Variants in FMN1 observed in about 807,000 individuals in gnomAD.
FMN1 encodes formin 1.
FMN1 carries 110 observed loss-of-function variants against 132.4 expected under a neutral mutation model. That is an observed-to-expected ratio of 0.83 (90% CI 0.71 to 0.97). The LOEUF (loss-of-function observed/expected upper bound fraction) is 0.97, where lower values mean the gene tolerates loss of function less well. FMN1 is among the 50% of genes least tolerant of loss of function. FMN1 has a pLI of 0.00. For missense variants in FMN1, 1,792 were observed against 1,705.3 expected (o/e 1.05, Z -0.90); for synonymous variants, 722 against 651.7 (o/e 1.11, Z -1.64).
chr15:32,998,824 C>A (rs150046591), intron 7 of FMN1, among the ~76,000 whole-genome samples: 1 of 152,276 alleles, frequency 6.6e-6, no homozygotes, highest in East Asian at 1.9e-4. Context: ...CATCATTGGC[C>A]CCCATGATAC....
chr15:33,059,765 A>C lies in FMN1; in HGVS notation c.2161+5192T>G, dbSNP rs572175969. ...AGTAAGTTAAACTAAATGACCTAAG[A>C]TGTTTGCAGCTCTCAGTTTTTATAT... On this transcript the variant is annotated intron_variant, in intron 6 of 20. Transcript: ENST00000616417. 2.6e-5 allele frequency among the ~76,000 whole-genome samples: 4 copies of C among 152,300 alleles called. No homozygotes were observed. In the East Asian group the frequency reaches 7.7e-4, roughly 29 times the overall value.
intron 4 of FMN1, among the ~76,000 whole-genome samples, chr15:33,099,434 C>T (rs970227116): frequency 8.5e-5 from 13 of 152,172 alleles, no homozygotes; most frequent in Non-Finnish European, 1.5e-4. Flanking sequence ...AGGGTGATTG[C>T]TACATGATGC....
chr15:33,070,364 T>G (rs1595402302), intron 5 of FMN1, among the ~76,000 whole-genome samples: 1 of 147,008 alleles, frequency 6.8e-6, no homozygotes, highest in East Asian at 2.0e-4. Context: ...CAGGGGGCAG[T>G]GGGAGAGGGC....
At chr15:33,104,341 T>G (rs2140092029) in intron 4 of FMN1, among the ~76,000 whole-genome samples, 1 of 152,308 alleles carries the variant, frequency 6.6e-6, no homozygotes, top group Admixed American at 6.5e-5. Context: ...TAAGTGGACT[T>G]TCTTGCCAAA....
chr15:32,887,979 TAAAAG>T lies in FMN1; in HGVS notation c.3835+188_3835+192del, dbSNP rs566504307. Among the ~76,000 whole-genome samples the T allele has an allele frequency of 5.3e-5, 8 of 151,520 alleles. No homozygotes were observed. The East Asian group carries it at 1.5e-3, about 29-fold the overall frequency. On this transcript the variant is annotated intron_variant, in intron 16 of 20. Transcript: ENST00000616417. ...ATAAGAAACAAATGATCAACACTAA[TAAAAG>T]AGAAGAATTTGAAAATACAGTGCCT...
chr15:33,044,959 G>C (rs545440501), intron 6 of FMN1, among the ~76,000 whole-genome samples: 1 of 152,332 alleles, frequency 6.6e-6, no homozygotes, highest in African/African-American at 2.4e-5. Flanking sequence ...ACACAAACAG[G>C]GCTGAAACAT....
At chr15:32,987,869 G>A (rs2033169934) in intron 7 of FMN1, among the ~76,000 whole-genome samples, 1 of 152,092 alleles carries the variant, frequency 6.6e-6, no homozygotes, top group Admixed American at 6.6e-5. Flanking sequence ...TTCTGTCGTT[G>A]AGTATAATTT....
At chr15:33,127,138 G>A (rs900867732) in intron 4 of FMN1, among the ~76,000 whole-genome samples, 2 of 151,944 alleles carry the variant, frequency 1.3e-5, no homozygotes, top group Admixed American at 6.6e-5. Context: ...ACAAGCAGTA[G>A]CAGACTTCCC....
chr15:32,945,790 C>T (rs961735843), intron 9 of FMN1, among the ~76,000 whole-genome samples: 1 of 151,520 alleles, frequency 6.6e-6, no homozygotes, highest in African/African-American at 2.4e-5. Flanking sequence ...AGTGAGCACC[C>T]CTAGCTGCAG....
chr15:32,960,347 C>T (rs1444747668), intron 9 of FMN1, among the ~76,000 whole-genome samples: 3 of 152,228 alleles, frequency 2.0e-5, no homozygotes, highest in African/African-American at 7.2e-5. Flanking sequence ...ATGATTTAAT[C>T]GCCTCCCACC....
chr15:33,049,905 G>A (rs539944037), intron 6 of FMN1, among the ~76,000 whole-genome samples: 1 of 152,104 alleles, frequency 6.6e-6, no homozygotes, highest in African/African-American at 2.4e-5. Context: ...ATGATTCTAG[G>A]GGCTGCTCAA....
At chr15:32,983,957 G>T in intron 7 of FMN1, among the ~76,000 whole-genome samples, 1 of 152,124 alleles carries the variant, frequency 6.6e-6, no homozygotes, top group East Asian at 1.9e-4. Flanking sequence ...GCCAGGCAAG[G>T]GGGTGAATGA....
intron 19 of FMN1, among the ~76,000 whole-genome samples, chr15:32,787,819 C>G (rs996559183): frequency 6.6e-6 from 1 of 152,094 alleles, no homozygotes; most frequent in Non-Finnish European, 1.5e-5. Flanking sequence ...GCATTCTAGC[C>G]TGGGCAAAAG....
chr15:32,844,187 T>C (rs1057060314), intron 17 of FMN1, among the ~76,000 whole-genome samples: 1 of 152,212 alleles, frequency 6.6e-6, no homozygotes, highest in African/African-American at 2.4e-5. Context: ...GCTGGGGTGT[T>C]ACAGTGATTA....
chr15:32,852,135 T>C (rs1283636279), intron 17 of FMN1, among the ~76,000 whole-genome samples: 1 of 152,196 alleles, frequency 6.6e-6, no homozygotes, highest in East Asian at 1.9e-4. Flanking sequence ...CTCTCTCCCA[T>C]GAGCCCAGCA....
intron 6 of FMN1, among the ~76,000 whole-genome samples, chr15:33,026,005 G>A (rs1450292829): frequency 6.6e-6 from 1 of 151,944 alleles, no homozygotes. Flanking sequence ...GATAAAACTG[G>A]TAATGTTTAC....
intron 16 of FMN1, 115 bp downstream of exon 16, chr15:32,888,057 C>A: frequency 2.6e-6 from 2 of 781,518 alleles, no homozygotes; most frequent in East Asian, 2.8e-5. Flanking sequence ...TGTAGTGTAC[C>A]ATTGCTGAAC....
At chr15:33,020,109 C>G (rs7169282) in intron 6 of FMN1, among the ~76,000 whole-genome samples, 1 of 152,192 alleles carries the variant, frequency 6.6e-6, no homozygotes, top group African/African-American at 2.4e-5. Context: ...TCTAAAGAGG[C>G]TGGGGGTTGT....
intron 9 of FMN1, among the ~76,000 whole-genome samples, chr15:32,928,035 C>G (rs866522881): frequency 6.6e-6 from 1 of 152,208 alleles, no homozygotes; most frequent in Non-Finnish European, 1.5e-5. Context: ...GATGATCTAA[C>G]TGCCTAATTG....
Sources: allele counts gnomAD v4.1 joint callset (sites outside exome capture counted in the v4.1 genomes callset), GRCh38; gene constraint gnomAD v4.1.1; transcripts MANE v1.5; gene names NCBI Gene and HGNC (gene_info 2026-07-23, HGNC 2026-07-21).